Variants in MAP4K4 observed in about 807,000 individuals in gnomAD.
MAP4K4 encodes the protein mitogen-activated protein kinase kinase kinase kinase 4.
Under a neutral mutation model 189.6 loss-of-function variants are expected in MAP4K4, and 38 were observed. The observed-to-expected ratio is 0.20, with a 90% CI of 0.15 to 0.26. The LOEUF (loss-of-function observed/expected upper bound fraction) is 0.26. Among genes scored for constraint, MAP4K4 ranks in the 10% least tolerant of loss-of-function variants. The pLI is 1.00. For missense variants in MAP4K4, 1,054 were observed against 1,726.9 expected (o/e 0.61, Z 6.91); for synonymous variants, 610 against 624.3 (o/e 0.98, Z 0.34).
intron 2 of MAP4K4, among the ~76,000 whole-genome samples, chr2:101,720,024 A>C (rs928783285): frequency 6.6e-6 from 1 of 152,088 alleles, no homozygotes; most frequent in African/African-American, 2.4e-5. Context: ...AAAAGAGTTC[A>C]AAAAGGGGAG....
intron 27 of MAP4K4, among the ~76,000 whole-genome samples, chr2:101,879,318 A>G (rs1454551118): frequency 6.7e-6 from 1 of 149,040 alleles, no homozygotes; most frequent in Admixed American, 6.7e-5. Context: ...GGTTTTCACA[A>G]TCATAAATGT....
intron 4 of MAP4K4, among the ~76,000 whole-genome samples, chr2:101,824,381 C>A (rs55651543): frequency 6.6e-6 from 1 of 151,994 alleles, no homozygotes; most frequent in African/African-American, 2.4e-5. Context: ...TTTATGGGAA[C>A]AAAATTAATT....
At chr2:101,749,408 G>A (rs2067387083) in intron 2 of MAP4K4, among the ~76,000 whole-genome samples, 2 of 151,336 alleles carry the variant, frequency 1.3e-5, no homozygotes, top group Non-Finnish European at 3.0e-5. Context: ...AAGCAATGGG[G>A]AAAGGATTCC....
chr2:101,810,681 A>G (rs116087784), intron 3 of MAP4K4, among the ~76,000 whole-genome samples: 4 of 152,196 alleles, frequency 2.6e-5, no homozygotes, highest in African/African-American at 9.6e-5. Flanking sequence ...CTGGGCTCTC[A>G]AGAGGCATAT....
chr2:101,708,814 G>C (rs1475355879), intron 2 of MAP4K4, among the ~76,000 whole-genome samples: 1 of 152,188 alleles, frequency 6.6e-6, no homozygotes, highest in Non-Finnish European at 1.5e-5. Context: ...TAATCTGCCA[G>C]TATTAATTTG....
chr2:101,747,106 A>G (rs558296795), intron 2 of MAP4K4, among the ~76,000 whole-genome samples: 147 of 152,050 alleles, frequency 9.7e-4, no homozygotes, highest in African/African-American at 3.4e-3. Flanking sequence ...TTTTGTGTCC[A>G]TATTCTTTTT....
intron 2 of MAP4K4, among the ~76,000 whole-genome samples, chr2:101,764,197 G>C (rs1255335142): frequency 6.6e-6 from 1 of 152,076 alleles, no homozygotes; most frequent in South Asian, 2.1e-4. Context: ...TAAGGGTCTA[G>C]CTTCCTTTTA....
intron 2 of MAP4K4, among the ~76,000 whole-genome samples, chr2:101,774,624 A>G (rs149551578): frequency 6.8e-4 from 103 of 152,266 alleles, no homozygotes; most frequent in South Asian, 3.3e-3. Flanking sequence ...GGTAACCTGA[A>G]TTTTGAATCA....
intron 2 of MAP4K4, among the ~76,000 whole-genome samples, chr2:101,765,686 A>G (rs1037213688): frequency 1.1e-4 from 16 of 152,218 alleles, no homozygotes; most frequent in East Asian, 1.9e-4. Context: ...GAGGAAATCT[A>G]TCTTACTAGG....
At chr2:101,853,540 A>G (rs1238589903) in intron 12 of MAP4K4, among the ~76,000 whole-genome samples, 1 of 152,188 alleles carries the variant, frequency 6.6e-6, no homozygotes, top group Non-Finnish European at 1.5e-5. Context: ...AGGATGTCCA[A>G]CTTCTATTTA....
intron 2 of MAP4K4, among the ~76,000 whole-genome samples, chr2:101,710,356 C>T (rs2044727217): frequency 6.6e-6 from 1 of 152,194 alleles, no homozygotes; most frequent in Non-Finnish European, 1.5e-5. Flanking sequence ...CCTTGATTCC[C>T]AGAAAAATCT....
intron 27 of MAP4K4, among the ~76,000 whole-genome samples, chr2:101,879,326 T>C (rs1377341983): frequency 1.3e-5 from 2 of 149,012 alleles, no homozygotes; most frequent in Non-Finnish European, 3.0e-5. Context: ...CAATCATAAA[T>C]GTAGTACATG....
intron 11 of MAP4K4, among the ~76,000 whole-genome samples, chr2:101,843,552 A>G (rs2096986127): frequency 6.6e-6 from 1 of 152,186 alleles, no homozygotes; most frequent in African/African-American, 2.4e-5. Context: ...ATGCTGTGGC[A>G]GTGGAGAAGT....
At chr2:101,750,456 A>G (rs1427319027) in intron 2 of MAP4K4, among the ~76,000 whole-genome samples, 1 of 147,002 alleles carries the variant, frequency 6.8e-6, no homozygotes, top group Non-Finnish European at 1.5e-5. Context: ...TGGGAATAGA[A>G]CAATGAGATC....
Position 101,698,171 on chromosome 2 carries a change from G to GGGCAGCC in MAP4K4, c.57+51_57+57dup, listed in dbSNP as rs572189095. 0.19 allele frequency: 182,971 copies of GGGCAGCC among 958,432 alleles called. 26,326 individuals carry two copies. Among genetic ancestry groups the GGGCAGCC allele is most frequent in the Non-Finnish European group, 0.2 (150,665 of 753,660 alleles). The allele number at this position is 958,432 out of a possible 1,614,324, so 59.4% of individuals were successfully genotyped here. A position where few individuals can be genotyped will look rare whatever the true frequency, so the allele number is the denominator to read the frequency against. ...GCCCGCGAGCGGGCGCGCGGGGAGC[G>GGGCAGCC]GGCAGCCGGCAGCCGGCAGCCGGGG... On this transcript the variant is annotated intron_variant, in intron 1 of 32. Transcript: ENST00000324219.
intron 26 of MAP4K4, among the ~76,000 whole-genome samples, chr2:101,875,948 T>G (rs1037656152): frequency 1.3e-5 from 2 of 152,134 alleles, no homozygotes; most frequent in African/African-American, 4.8e-5. Flanking sequence ...TGGATGTACA[T>G]CATGAGAAAG....
chr2:101,813,147 C>T (rs2149188237), intron 3 of MAP4K4, among the ~76,000 whole-genome samples: 1 of 152,194 alleles, frequency 6.6e-6, no homozygotes, highest in South Asian at 2.1e-4. Context: ...AATTGGATTA[C>T]ATTAATCCTA....
At chr2:101,709,179 C>G (rs1398381873) in intron 2 of MAP4K4, among the ~76,000 whole-genome samples, 1 of 152,134 alleles carries the variant, frequency 6.6e-6, no homozygotes, top group East Asian at 1.9e-4. Context: ...CTTCCCCAGT[C>G]TTATTATTAG....
chr2:101,710,018 C>T (rs947989456), intron 2 of MAP4K4, among the ~76,000 whole-genome samples: 2 of 152,142 alleles, frequency 1.3e-5, no homozygotes, highest in Non-Finnish European at 2.9e-5. Flanking sequence ...TGTTGACTAC[C>T]AGAGCCCTTC....
Sources: allele counts gnomAD v4.1 joint callset (sites outside exome capture counted in the v4.1 genomes callset), GRCh38; gene constraint gnomAD v4.1.1; transcripts MANE v1.5; gene names NCBI Gene and HGNC (gene_info 2026-07-23, HGNC 2026-07-21).